Variants in SELENOO observed in about 807,000 individuals in gnomAD.
SELENOO encodes protein adenylyltransferase SelO, mitochondrial.
A neutral mutation model predicts 58.7 loss-of-function variants in SELENOO; 74 were observed. The ratio of observed to expected loss-of-function variants is 1.26; its 90% CI spans 1.04 to 1.53. SELENOO has a LOEUF of 1.53. Among genes scored for constraint, SELENOO ranks in the 40% most tolerant of loss-of-function variants. The probability of loss-of-function intolerance (pLI) is 0.00; values close to 1 mark genes in which losing one functional copy is unlikely to be tolerated. For missense variants in SELENOO, 1,149 were observed against 970.0 expected (o/e 1.18, Z -2.45); for synonymous variants, 543 against 453.2 (o/e 1.20, Z -2.52).
intron 3 of SELENOO, 136 bp from the exon 4 acceptor site, chr22:50,210,045 G>A: frequency 9.7e-7 from 1 of 1,028,874 alleles, no homozygotes; most frequent in Non-Finnish European, 1.4e-6. Context: ...CAGGACATCA[G>A]GAAGATCGCC....
intron 1 of SELENOO, 69 bp downstream of exon 1, chr22:50,201,659 G>C (rs969723964): frequency 2.6e-6 from 3 of 1,143,256 alleles, no homozygotes; most frequent in Non-Finnish European, 3.3e-6. Flanking sequence ...TCCGCCCGGC[G>C]CGGTGTTGGG....
Position 50,206,004 on chromosome 22 carries a change from C to T in SELENOO, c.555-313C>T. ...GCAGGGCTGCCCCAGGCCCTTTGTCCCCACTGTGCAGTCACACAGTCCTGG... is the reference window on the plus strand; with the variant it reads ...GCAGGGCTGCCCCAGGCCCTTTGTCTCCACTGTGCAGTCACACAGTCCTGG... On this transcript the variant is annotated intron_variant, in intron 1 of 8. Coordinates refer to ENST00000380903, the MANE Select transcript of SELENOO (RefSeq NM_031454.2). 1.2e-5 allele frequency: 5 copies of T among 425,012 alleles called. No individual in the cohort carries two copies. The South Asian group carries it at 1.2e-4, about 10-fold the overall frequency. 26.3% of individuals were successfully genotyped at this position (425,012 alleles called of 1,614,324 possible).
intron 2 of SELENOO, among the ~76,000 whole-genome samples, chr22:50,207,668 C>G (rs555856124): frequency 6.7e-6 from 1 of 150,136 alleles, no homozygotes; most frequent in East Asian, 2.0e-4. Context: ...GAAGTCCACC[C>G]TGTGTGCACA....
intron 1 of SELENOO, among the ~76,000 whole-genome samples, chr22:50,201,910 C>T (rs2064304358): frequency 6.6e-6 from 1 of 152,252 alleles, no homozygotes; most frequent in African/African-American, 2.4e-5. Flanking sequence ...TCCGATCGCT[C>T]GTGGGGCGGG....
chr22:50,207,855 C>T (rs1442434028), intron 2 of SELENOO, among the ~76,000 whole-genome samples: 2 of 137,542 alleles, frequency 1.5e-5, no homozygotes, highest in Admixed American at 8.1e-5. Flanking sequence ...ATCTCCTCCC[C>T]GAGGACGCAG....
At chr22:50,208,982 C>T (rs1248819444) in intron 3 of SELENOO, among the ~76,000 whole-genome samples, 3 of 146,470 alleles carry the variant, frequency 2.0e-5, no homozygotes, top group East Asian at 2.2e-4. Flanking sequence ...GGCGGGGGTG[C>T]GGGGTGGGAG....
At position 50,201,702 on chromosome 22, in the gene SELENOO, C is replaced by G. The variant is rs914416529; in HGVS notation, c.554+112C>G. ...GGCGGCTACTGCCAAGTGGGGCCTC[C>G]CCTGCACCCGCGGGAGCGCGGTGCT... is the stretch of plus-strand genomic sequence containing the variant. On this transcript the variant is annotated intron_variant, in intron 1 of 8. Coordinates refer to ENST00000380903, the MANE Select transcript of SELENOO (RefSeq NM_031454.2). 5.2e-6 allele frequency: 4 copies of G among 774,296 alleles called. No homozygotes were observed. In the African/African-American group the frequency reaches 7.3e-5, roughly 14 times the overall value. The allele number at this position is 774,296 out of a possible 1,614,324, so 48.0% of individuals were successfully genotyped here. A position where few individuals can be genotyped will look rare whatever the true frequency, so the allele number is the denominator to read the frequency against.
intron 5 of SELENOO, among the ~76,000 whole-genome samples, chr22:50,212,664 T>A (rs1310359575): frequency 6.6e-6 from 1 of 152,256 alleles, no homozygotes; most frequent in Admixed American, 6.5e-5. Flanking sequence ...TCTGTGAACC[T>A]GACTGCTCTA....
intron 5 of SELENOO, among the ~76,000 whole-genome samples, chr22:50,214,681 C>A (rs1164061290): frequency 6.6e-6 from 1 of 152,210 alleles, no homozygotes; most frequent in East Asian, 1.9e-4. Flanking sequence ...AGGAGAATTG[C>A]TGGAACCCAG....
In SELENOO at chr22:50,201,462, C is replaced by A. The variant is rs777694222; in HGVS notation, c.426C>A (p.Gly142=). 2 of 1,421,302 alleles carry A rather than the reference C, an allele frequency of 1.4e-6. No individual in the cohort carries two copies. Among genetic ancestry groups the A allele is most frequent in the South Asian group, 2.7e-5 (2 of 72,978 alleles). The allele number at this position is 1,421,302 out of a possible 1,614,324, so 88.0% of individuals were successfully genotyped here. A position where few individuals can be genotyped will look rare whatever the true frequency, so the allele number is the denominator to read the frequency against. ...AGCCCGCCGCGCACTGCTACTGCGG[C>A]CACCAATTCGGCCAGTTCGCCGGGC... ...GAEPAAHCYC[G]HQFGQFAGQL... The change falls in exon 1 of 9, where the codon GGC becomes GGA. Residue 142 remains glycine, a synonymous_variant. Coordinates refer to ENST00000380903, the MANE Select transcript of SELENOO (RefSeq NM_031454.2).
intron 6 of SELENOO, 26 bp from the exon 7 acceptor site, chr22:50,216,665 T>C (rs2064415019): frequency 1.3e-6 from 2 of 1,556,638 alleles, no homozygotes; most frequent in Non-Finnish European, 1.7e-6. Context: ...AGGGGCTACC[T>C]CCCAGACACC....
At chr22:50,212,749 A>G (rs1482450581) in intron 5 of SELENOO, among the ~76,000 whole-genome samples, 1 of 151,734 alleles carries the variant, frequency 6.6e-6, no homozygotes, top group Non-Finnish European at 1.5e-5. Context: ...ATCTTCGTGT[A>G]AGTGGAGTTA....
At position 50,216,675 on chromosome 22, in the gene SELENOO, C is replaced by T. The variant is rs769685127; in HGVS notation, c.1503-16C>T. 9 of 1,570,276 alleles carry T rather than the reference C, an allele frequency of 5.7e-6. No homozygotes were observed. The East Asian group carries it at 9.4e-5, about 16-fold the overall frequency. On this transcript the variant is annotated splice_polypyrimidine_tract_variant and intron_variant, in intron 6 of 8. Coordinates refer to ENST00000380903, the MANE Select transcript of SELENOO (RefSeq NM_031454.2). The stretch of plus-strand genomic sequence containing the variant: ...CGGTCAGGGGCTACCTCCCAGACAC[C>T]CTGGCCTCTCCACAGGCAGCTATCC...
In SELENOO at chr22:50,215,761, G is replaced by A. The variant is rs753547695; in HGVS notation, c.1396G>A (p.Val466Met). The change falls in exon 6 of 9, where the codon GTG (valine) becomes ATG (methionine). Residue 466 changes from valine to methionine, a missense_variant. Physicochemically the swap from Val to Met is conservative, Grantham distance 21. Transcript: ENST00000380903. ...NTFYLLSSFP[V>M]ELESPGLAEF... is the part of the protein sequence containing the mutation. The stretch of plus-strand genomic sequence containing the variant: ...CTTCTACTTGCTGAGCTCCTTCCCA[G>A]TGGAGCTAGAGTCGCCAGGCCTGGC... The A allele has an allele frequency of 3.7e-6, 6 of 1,611,212 alleles. No individual in the cohort carries two copies. The South Asian group carries it at 4.4e-5, about 12-fold the overall frequency.
At chr22:50,212,971 CTGAT>C (rs1165175999) in intron 5 of SELENOO, among the ~76,000 whole-genome samples, 15 of 152,372 alleles carry the variant, frequency 9.8e-5, no homozygotes, top group African/African-American at 3.1e-4. Flanking sequence ...GTTGAGGTAA[CTGAT>C]TGGAGATCTT....
chr22:50,214,295 C>G (rs2064391242), intron 5 of SELENOO, among the ~76,000 whole-genome samples: 1 of 152,192 alleles, frequency 6.6e-6, no homozygotes, highest in Non-Finnish European at 1.5e-5. Flanking sequence ...GGGTGAGCAC[C>G]TTTCCCGGCC....
intron 2 of SELENOO, among the ~76,000 whole-genome samples, chr22:50,207,102 C>T (rs992873610): frequency 5.3e-5 from 8 of 152,110 alleles, no homozygotes; most frequent in East Asian, 1.9e-4. Context: ...TCCTGTCTGA[C>T]GTGAGCCATC....
chr22:50,206,183 G>A, intron 1 of SELENOO, 134 bp from the exon 2 acceptor site: 1 of 706,252 alleles, frequency 1.4e-6, no homozygotes, highest in Non-Finnish European at 2.4e-6. Context: ...GATGTCACCT[G>A]GGACGGGCGG....
At chr22:50,202,020 T>C (rs906761242) in intron 1 of SELENOO, among the ~76,000 whole-genome samples, 1 of 152,138 alleles carries the variant, frequency 6.6e-6, no homozygotes, top group Admixed American at 6.5e-5. Context: ...GAGGTGGGCA[T>C]CGTTTAGATT....
Sources: allele counts gnomAD v4.1 joint callset (sites outside exome capture counted in the v4.1 genomes callset), GRCh38; gene constraint gnomAD v4.1.1; transcripts MANE v1.5; gene names NCBI Gene and HGNC (gene_info 2026-07-23, HGNC 2026-07-21).